CDH13: variants seen among roughly 807,000 people sequenced by gnomAD.
The protein encoded by CDH13 is cadherin-13.
In CDH13, 24 loss-of-function variants were observed where a neutral mutation model predicts 63.8. The ratio of observed to expected loss-of-function variants is 0.38; its 90% confidence interval spans 0.27 to 0.53. The LOEUF (loss-of-function observed/expected upper bound fraction) is 0.53. CDH13 is among the 20% of genes least tolerant of loss of function. The probability of loss-of-function intolerance (pLI) is 0.85; values close to 1 mark genes in which losing one functional copy is unlikely to be tolerated. For missense variants in CDH13, 1,049 were observed against 903.1 expected (o/e 1.16, Z -2.07); for synonymous variants, 503 against 355.3 (o/e 1.42, Z -4.67).
intron 2 of CDH13, among the ~76,000 whole-genome samples, chr16:82,979,371 A>T (rs564026775): frequency 7.9e-5 from 12 of 152,092 alleles, no homozygotes; most frequent in Non-Finnish European, 1.5e-4. Flanking sequence ...GGGCAGAGTG[A>T]TATGATTTGG....
chr16:82,768,471 G>GTGT (rs779901056), intron 1 of CDH13, among the ~76,000 whole-genome samples: 4 of 152,162 alleles, frequency 2.6e-5, no homozygotes, highest in African/African-American at 4.8e-5. Flanking sequence ...AATAAGGAAT[G>GTGT]TGTTCATTTT....
chr16:82,869,626 A>C (rs1388993808), intron 2 of CDH13, among the ~76,000 whole-genome samples: 1 of 152,178 alleles, frequency 6.6e-6, no homozygotes, highest in Non-Finnish European at 1.5e-5. Context: ...ATACTGGCAT[A>C]AAAACAGATG....
chr16:83,096,660 T>C (rs1468482017), intron 3 of CDH13, among the ~76,000 whole-genome samples: 1 of 152,188 alleles, frequency 6.6e-6, no homozygotes, highest in Non-Finnish European at 1.5e-5. Flanking sequence ...GTGAGCGGAT[T>C]TGGGTTTAAC....
At chr16:82,689,982 T>TAAAAAAAAAAAAAAAAAAAA (rs71146085) in intron 1 of CDH13, among the ~76,000 whole-genome samples, 1 of 15,778 alleles carries the variant, frequency 6.3e-5, no homozygotes, top group African/African-American at 2.3e-4. Flanking sequence ...CCATCTCTAC[T>TAAAAAAAAAAAAAAAAAAAA]AAAAAAAAAA....
intron 6 of CDH13, among the ~76,000 whole-genome samples, chr16:83,427,155 C>T (rs986664973): frequency 3.3e-5 from 5 of 151,826 alleles, no homozygotes; most frequent in Non-Finnish European, 5.9e-5. Flanking sequence ...ACCTGGTGAT[C>T]CGCCTGCCTC....
chr16:83,286,710 G>C (rs1178709424), intron 5 of CDH13, among the ~76,000 whole-genome samples: 1 of 149,842 alleles, frequency 6.7e-6, no homozygotes, highest in Non-Finnish European at 1.5e-5. Flanking sequence ...GAACCAAGAT[G>C]GTACTACTGT....
intron 1 of CDH13, among the ~76,000 whole-genome samples, chr16:82,757,165 C>A (rs1281628432): frequency 6.6e-6 from 1 of 152,144 alleles, no homozygotes; most frequent in African/African-American, 2.4e-5. Flanking sequence ...TATCTACTCT[C>A]CTGTTTGTCT....
At chr16:83,524,680 C>T (rs1172204078) in intron 7 of CDH13, among the ~76,000 whole-genome samples, 3 of 151,984 alleles carry the variant, frequency 2.0e-5, no homozygotes, top group Non-Finnish European at 2.9e-5. Flanking sequence ...TCTCGATCTC[C>T]TGACCTGGTG....
At chr16:83,135,479 A>G (rs2036240134) in intron 4 of CDH13, among the ~76,000 whole-genome samples, 1 of 152,240 alleles carries the variant, frequency 6.6e-6, no homozygotes, top group Admixed American at 6.5e-5. Flanking sequence ...ACCAAGGTGC[A>G]GAAGCATCTT....
chr16:82,893,397 G>A (rs1057182829), intron 2 of CDH13, among the ~76,000 whole-genome samples: 6 of 152,336 alleles, frequency 3.9e-5, no homozygotes, highest in Non-Finnish European at 8.8e-5. Flanking sequence ...AGAACTGAGT[G>A]TGCAAAGCAA....
intron 10 of CDH13, chr16:83,735,540 C>T (rs1268741437): frequency 2.0e-5 from 3 of 152,350 alleles, no homozygotes; most frequent in Non-Finnish European, 2.9e-5. Flanking sequence ...CCCCCTTCTT[C>T]AGCCCTCTCC....
At chr16:83,244,100 G>A in intron 5 of CDH13, among the ~76,000 whole-genome samples, 1 of 151,814 alleles carries the variant, frequency 6.6e-6, no homozygotes, top group East Asian at 1.9e-4. Flanking sequence ...CTTGGTGAAG[G>A]TGCAGTGACC....
chr16:83,543,863 A>G (rs1215179799), intron 7 of CDH13, among the ~76,000 whole-genome samples: 3 of 152,206 alleles, frequency 2.0e-5, no homozygotes, highest in Non-Finnish European at 2.9e-5. Flanking sequence ...ACCCTGACCT[A>G]AGCAAAGACA....
At chr16:82,850,147 G>C (rs2039423499) in intron 1 of CDH13, among the ~76,000 whole-genome samples, 1 of 152,186 alleles carries the variant, frequency 6.6e-6, no homozygotes, top group Non-Finnish European at 1.5e-5. Flanking sequence ...TTCCTCTGAT[G>C]GATCAGGACA....
intron 5 of CDH13, among the ~76,000 whole-genome samples, chr16:83,294,893 A>G (rs768165680): frequency 3.3e-5 from 5 of 152,252 alleles, no homozygotes; most frequent in South Asian, 2.1e-4. Flanking sequence ...TAAAAATCAT[A>G]TGAAACCACA....
intron 4 of CDH13, among the ~76,000 whole-genome samples, chr16:83,143,823 C>G (rs143325089): frequency 4.2e-4 from 64 of 152,166 alleles, no homozygotes; most frequent in Non-Finnish European, 5.7e-4. Flanking sequence ...TTTGCCGTTC[C>G]TCTGCCTGAC....
intron 1 of CDH13, among the ~76,000 whole-genome samples, chr16:82,648,029 T>C (rs1174762168): frequency 6.6e-6 from 1 of 152,226 alleles, no homozygotes; most frequent in East Asian, 1.9e-4. Flanking sequence ...CATGCTCTCT[T>C]GCCTGCTGCC....
At chr16:82,707,869 C>T (rs2031614758) in intron 1 of CDH13, among the ~76,000 whole-genome samples, 1 of 152,154 alleles carries the variant, frequency 6.6e-6, no homozygotes, top group Non-Finnish European at 1.5e-5. Flanking sequence ...AAGAAAGGAG[C>T]ATATGTGTCG....
intron 5 of CDH13, among the ~76,000 whole-genome samples, chr16:83,317,096 G>A (rs1174914008): frequency 6.6e-6 from 1 of 152,206 alleles, no homozygotes; most frequent in African/African-American, 2.4e-5. Flanking sequence ...TCCCATGGAT[G>A]AAAATCAGGG....
Sources: allele counts gnomAD v4.1 joint callset (sites outside exome capture counted in the v4.1 genomes callset), GRCh38; gene constraint gnomAD v4.1.1; transcripts MANE v1.5; gene names NCBI Gene and HGNC (gene_info 2026-07-23, HGNC 2026-07-21).